The following AFG2A variants were observed in gnomAD, a reference collection of about 807,000 sequenced individuals.
AFG2A encodes ATPase family gene 2 protein homolog A.
At chr4:122,961,234 G>A in the AFG2A span, among the ~76,000 whole-genome samples, 4 of 152,040 alleles carry the variant, frequency 2.6e-5, no homozygotes, top group African/African-American at 9.7e-5. Context: ...TTCTTCTTTC[G>A]CCTCTGGAAA....
the AFG2A span, among the ~76,000 whole-genome samples, chr4:123,064,850 C>T: frequency 6.6e-6 from 1 of 152,162 alleles, no homozygotes; most frequent in Non-Finnish European, 1.5e-5. Flanking sequence ...TAGAGAGGCT[C>T]ATCTTTTTTA....
chr4:123,265,558 G>A, the AFG2A span, among the ~76,000 whole-genome samples: 1 of 152,082 alleles, frequency 6.6e-6, no homozygotes, highest in Non-Finnish European at 1.5e-5. Flanking sequence ...AGAACACCTT[G>A]TGCTGCCATA....
At chr4:123,315,354 AT>A in the AFG2A span, 288 of 107,866 alleles carry the variant, frequency 2.7e-3, 1 homozygote, top group African/African-American at 7.6e-3. Context: ...TGCCTGGCTA[AT>A]TTTTTTTTTT....
At chr4:123,059,301 C>T in the AFG2A span, among the ~76,000 whole-genome samples, 2 of 126,370 alleles carry the variant, frequency 1.6e-5, no homozygotes, top group South Asian at 3.4e-4. Context: ...CATCCCTCCC[C>T]CCTCCCCCGA....
chr4:123,074,111 T>TTTTTTTTTTTG, the AFG2A span, among the ~76,000 whole-genome samples: 5 of 148,904 alleles, frequency 3.4e-5, no homozygotes, highest in Admixed American at 1.3e-4. Flanking sequence ...TTTTTTTTTT[T>TTTTTTTTTTTG]GAGGCAGAGT....
chr4:123,032,312 A>G, the AFG2A span, among the ~76,000 whole-genome samples: 6 of 152,208 alleles, frequency 3.9e-5, no homozygotes, highest in African/African-American at 1.4e-4. Flanking sequence ...CCCCAATTTA[A>G]GATGGATTTA....
chr4:123,179,307 C>CTACTTACTTACTTACT, the AFG2A span, among the ~76,000 whole-genome samples: 7 of 149,552 alleles, frequency 4.7e-5, no homozygotes, highest in South Asian at 2.1e-4. Flanking sequence ...CTCACACATA[C>CTACTTACTTACTTACT]TACTTACTTA....
chr4:122,957,855 A>G, the AFG2A span, among the ~76,000 whole-genome samples: 2 of 152,314 alleles, frequency 1.3e-5, no homozygotes, highest in East Asian at 1.9e-4. Context: ...GAGTCATGGT[A>G]ATATCTTAAT....
the AFG2A span, among the ~76,000 whole-genome samples, chr4:122,985,671 CTTCTT>C: frequency 2.0e-5 from 3 of 151,610 alleles, no homozygotes; most frequent in Admixed American, 6.6e-5. Flanking sequence ...GATTTTCTCT[CTTCTT>C]TTCTTGGTTA....
chr4:123,124,219 C>T, the AFG2A span, among the ~76,000 whole-genome samples: 1 of 152,040 alleles, frequency 6.6e-6, no homozygotes, highest in African/African-American at 2.4e-5. Flanking sequence ...TTCACAATAG[C>T]AAAGACTTGG....
At chr4:123,021,481 C>T in the AFG2A span, among the ~76,000 whole-genome samples, 72 of 152,146 alleles carry the variant, frequency 4.7e-4, no homozygotes, top group Non-Finnish European at 8.5e-4. Flanking sequence ...AACCCCACTA[C>T]TCCTTCTTTA....
chr4:122,950,369 C>T, the AFG2A span, among the ~76,000 whole-genome samples: 1 of 136,574 alleles, frequency 7.3e-6, no homozygotes, highest in African/African-American at 2.7e-5. Context: ...GATGGAGTTT[C>T]GCTCTTGTTG....
chr4:123,012,520 A>T, the AFG2A span, among the ~76,000 whole-genome samples: 1 of 152,182 alleles, frequency 6.6e-6, no homozygotes, highest in Admixed American at 6.5e-5. Context: ...TGACCAAGGC[A>T]GGCGTCCCTG....
chr4:123,199,931 C>G, the AFG2A span, among the ~76,000 whole-genome samples: 1 of 152,080 alleles, frequency 6.6e-6, no homozygotes, highest in Admixed American at 6.6e-5. Context: ...TAGTTTTCAT[C>G]TTTACTAAAT....
chr4:123,005,737 T>C, the AFG2A span, among the ~76,000 whole-genome samples: 2 of 152,252 alleles, frequency 1.3e-5, no homozygotes, highest in Non-Finnish European at 2.9e-5. Flanking sequence ...GGTACATCTT[T>C]AAATTATCAC....
At chr4:123,071,729 G>A in the AFG2A span, among the ~76,000 whole-genome samples, 2 of 152,132 alleles carry the variant, frequency 1.3e-5, no homozygotes, top group African/African-American at 4.8e-5. Flanking sequence ...GTGTCTTTCT[G>A]CATTTATAGG....
At chr4:123,277,990 A>G in the AFG2A span, among the ~76,000 whole-genome samples, 1 of 152,184 alleles carries the variant, frequency 6.6e-6, no homozygotes, top group Non-Finnish European at 1.5e-5. Flanking sequence ...GGCCTCATAG[A>G]ACGAGTTGGA....
chr4:122,959,530 C>T, the AFG2A span, among the ~76,000 whole-genome samples: 1 of 152,160 alleles, frequency 6.6e-6, no homozygotes, highest in Non-Finnish European at 1.5e-5. Flanking sequence ...ATGATTTTCC[C>T]TCTTCTGGAC....
At chr4:123,198,982 C>A in the AFG2A span, among the ~76,000 whole-genome samples, 54 of 152,104 alleles carry the variant, frequency 3.6e-4, no homozygotes, top group African/African-American at 1.3e-3. Context: ...ACTTGAGGCA[C>A]AATAGTACTG....
Sources: allele counts gnomAD v4.1 joint callset (sites outside exome capture counted in the v4.1 genomes callset), GRCh38; gene constraint gnomAD v4.1.1; transcripts MANE v1.5; gene names NCBI Gene and HGNC (gene_info 2026-07-23, HGNC 2026-07-21).